The following DGKI variants were observed in gnomAD, a reference collection of about 807,000 sequenced individuals.
The protein encoded by DGKI is DAG kinase iota.
Under a neutral mutation model 147.5 loss-of-function variants are expected in DGKI, and 55 were observed. The ratio of observed to expected loss-of-function variants is 0.37; its 90% confidence interval spans 0.30 to 0.47. The LOEUF is 0.47. DGKI is among the 20% of genes least tolerant of loss of function. The pLI is 1.00. For missense variants in DGKI, 1,007 were observed against 1,323.8 expected (o/e 0.76, Z 3.71); for synonymous variants, 469 against 477.1 (o/e 0.98, Z 0.22).
chr7:137,455,256 T>G (rs1814145088), intron 27 of DGKI, among the ~76,000 whole-genome samples: 1 of 152,126 alleles, frequency 6.6e-6, no homozygotes, highest in Non-Finnish European at 1.5e-5. Context: ...AAACATTGTC[T>G]GCTTCCTCCT....
At chr7:137,661,179 C>A (rs905813405) in intron 3 of DGKI, among the ~76,000 whole-genome samples, 2 of 152,154 alleles carry the variant, frequency 1.3e-5, no homozygotes, top group Non-Finnish European at 2.9e-5. Flanking sequence ...TTGCCCACCT[C>A]GACAGGTGGA....
At chr7:137,730,171 C>A (rs1208576980) in intron 1 of DGKI, among the ~76,000 whole-genome samples, 1 of 152,080 alleles carries the variant, frequency 6.6e-6, no homozygotes. Flanking sequence ...AACTCCACAT[C>A]TCTAGTTCTC....
At chr7:137,546,196 G>C (rs1245078905) in intron 20 of DGKI, among the ~76,000 whole-genome samples, 4 of 152,172 alleles carry the variant, frequency 2.6e-5, no homozygotes, top group South Asian at 2.1e-4. Flanking sequence ...GCTGGTTCTA[G>C]GCAAGTCACA....
chr7:137,644,375 G>A (rs770581032), intron 6 of DGKI, among the ~76,000 whole-genome samples: 8 of 152,354 alleles, frequency 5.3e-5, no homozygotes, highest in Admixed American at 2.0e-4. Flanking sequence ...GGAGGCTAAG[G>A]TGTGTAGCCT....
chr7:137,605,634 G>T (rs1820159083), intron 10 of DGKI, among the ~76,000 whole-genome samples: 1 of 152,152 alleles, frequency 6.6e-6, no homozygotes, highest in African/African-American at 2.4e-5. Context: ...CCATAAAAAA[G>T]AATGAAATCC....
chr7:137,440,100 C>G (rs759217251), intron 28 of DGKI, among the ~76,000 whole-genome samples: 1 of 152,148 alleles, frequency 6.6e-6, no homozygotes. Flanking sequence ...AGGGAAGCAG[C>G]CTGGGCCCAG....
intron 8 of DGKI, among the ~76,000 whole-genome samples, chr7:137,615,139 T>C (rs1042119632): frequency 1.1e-4 from 16 of 152,146 alleles, no homozygotes; most frequent in Admixed American, 1.3e-4. Context: ...ATGCTGACCA[T>C]GGCTGATTCA....
In DGKI at chr7:137,476,067, G is replaced by A. The variant is rs115870879; in HGVS notation, c.2374-6448C>T. Among the ~76,000 whole-genome samples the A allele has an allele frequency of 6.4e-3, 976 of 152,218 alleles. 7 individuals are homozygous for A. Among genetic ancestry groups the A allele is most frequent in the African/African-American group, 0.022 (915 of 41,520 alleles). On this transcript the variant is annotated intron_variant, in intron 23 of 32. Coordinates refer to ENST00000614521, the MANE Select transcript of DGKI (RefSeq NM_001321708.2). ...GTTTTCAAATAGTCCTGGTGCTGAC[G>A]TACGGCCAAGAAGTGCCAGCAGATA...
At chr7:137,714,318 T>A (rs796132017) in intron 1 of DGKI, among the ~76,000 whole-genome samples, 5 of 152,362 alleles carry the variant, frequency 3.3e-5, no homozygotes, top group African/African-American at 1.2e-4. Context: ...CTAACACATA[T>A]CTGCTTTTAA....
In DGKI at chr7:137,689,956, G is replaced by T. The variant is rs754340378; in HGVS notation, c.448C>A (p.Pro150Thr). 1.3e-5 allele frequency: 21 copies of T among 1,609,986 alleles called. No homozygotes were observed. Among genetic ancestry groups the T allele is most frequent in the Non-Finnish European group, 1.4e-5 (17 of 1,178,224 alleles). The change falls in exon 2 of 33, where the codon CCC becomes ACC. Residue 150 changes from proline (P) to threonine (T), a missense_variant. Physicochemically the swap from Pro to Thr is conservative, Grantham distance 38. This residue lies in a region of DGKI where 259 missense variants were observed against 362.5 expected (regional missense o/e 0.71). Transcript: ENST00000614521. ...AGLQHLAPAH[P>T]LSLPVANGPA... ...CCATTTGCCACAGGAAGGCTGAGGG[G>T]ATGTGCAGGAGCCAGATGCTGGAGG...
At chr7:137,813,117 C>G (rs1797641076) in intron 1 of DGKI, among the ~76,000 whole-genome samples, 1 of 152,160 alleles carries the variant, frequency 6.6e-6, no homozygotes, top group South Asian at 2.1e-4. Flanking sequence ...CCCTAAGAGG[C>G]AGGGTCCACC....
intron 1 of DGKI, among the ~76,000 whole-genome samples, chr7:137,694,655 G>T (rs761623015): frequency 1.2e-4 from 18 of 152,218 alleles, no homozygotes; most frequent in Non-Finnish European, 2.1e-4. Context: ...TGTCTAAGAA[G>T]TTACTCAGTG....
intron 5 of DGKI, among the ~76,000 whole-genome samples, chr7:137,646,680 G>A (rs1384784273): frequency 6.6e-6 from 1 of 152,064 alleles, no homozygotes; most frequent in Non-Finnish European, 1.5e-5. Context: ...ATTCTAACAT[G>A]TCTATTGTAG....
intron 1 of DGKI, among the ~76,000 whole-genome samples, chr7:137,697,130 T>G (rs971789292): frequency 1.3e-5 from 2 of 152,216 alleles, no homozygotes; most frequent in African/African-American, 4.8e-5. Context: ...ACATTTTGGT[T>G]GTTTAAACCA....
intron 1 of DGKI, among the ~76,000 whole-genome samples, chr7:137,792,658 G>T (rs1168286140): frequency 6.6e-6 from 1 of 152,236 alleles, no homozygotes; most frequent in Non-Finnish European, 1.5e-5. Context: ...CTGGCAGGAG[G>T]TGTTTGGGTC....
At chr7:137,718,744 T>C (rs1399322462) in intron 1 of DGKI, among the ~76,000 whole-genome samples, 1 of 152,176 alleles carries the variant, frequency 6.6e-6, no homozygotes, top group Non-Finnish European at 1.5e-5. Context: ...CTCTCAGTCC[T>C]GGGCAACAAA....
chr7:137,416,316 G>C (rs767841995), intron 28 of DGKI, among the ~76,000 whole-genome samples: 2 of 152,170 alleles, frequency 1.3e-5, no homozygotes, highest in African/African-American at 2.4e-5. Flanking sequence ...TTCATAGAAG[G>C]CTTCCTGAAG....
Position 137,835,457 on chromosome 7 carries a change from A to G in DGKI, c.401+11005T>C, listed in dbSNP as rs369605636. On this transcript the variant is annotated intron_variant, in intron 1 of 32. Transcript: ENST00000614521. ...TCTGGAGACCTGAAATGCAATTGCT[A>G]TAAAAATGAAATACTATTCTTGGAA... Among the ~76,000 whole-genome samples, 218 of 152,334 alleles carry G rather than the reference A, an allele frequency of 1.4e-3. 5 individuals carry two copies. In the South Asian group the frequency reaches 0.044, roughly 31 times the overall value.
chr7:137,393,179 A>C (rs1811427471), intron 32 of DGKI, among the ~76,000 whole-genome samples: 1 of 151,926 alleles, frequency 6.6e-6, no homozygotes, highest in African/African-American at 2.4e-5. Flanking sequence ...CTACATTACT[A>C]GTTTTCTATG....
Sources: gnomAD v4.1 joint callset for allele counts (sites outside exome capture counted in the v4.1 genomes callset) on GRCh38, gnomAD v4.1.1 for gene constraint, gnomAD v4.1.1 regional missense constraint, MANE v1.5 for transcripts, NCBI Gene and HGNC (gene_info 2026-07-23, HGNC 2026-07-21) for gene names.